The following HRAS variants were observed in gnomAD, a reference collection of about 807,000 sequenced individuals.
HRAS encodes GTPase HRas.
In HRAS, 11 loss-of-function variants were observed where a neutral mutation model predicts 19.8. That is an observed-to-expected ratio of 0.55 (90% CI 0.35 to 0.92). HRAS has a LOEUF of 0.92. Among genes scored for constraint, HRAS ranks in the 40% least tolerant of loss-of-function variants. The probability of loss-of-function intolerance (pLI) is 0.01; values close to 1 mark genes in which losing one functional copy is unlikely to be tolerated. For synonymous variants in HRAS, 149 were observed against 105.5 expected, an observed-to-expected ratio of 1.41 and a Z score of -2.52; for missense variants, 204 against 255.9, an observed-to-expected ratio of 0.80 and a Z score of 1.38.
chr11:534,141 G>T (rs1851307122), intron 2 of HRAS, 71 bp downstream of exon 2: 2 of 1,324,086 alleles, frequency 1.5e-6, no homozygotes, highest in Admixed American at 3.4e-5. Flanking sequence ...GCTGCAGCCA[G>T]CCCTATCCTG....
At chr11:533,366 A>C in intron 4 of HRAS, 87 bp downstream of exon 4, 1 of 1,607,466 alleles carries the variant, frequency 6.2e-7, no homozygotes, top group Non-Finnish European at 8.5e-7. Context: ...GCCCTGTGTC[A>C]AGGGAGAGGG....
chr11:533,144 C>G (rs997684842), intron 4 of HRAS: 1 of 824,664 alleles, frequency 1.2e-6, no homozygotes, highest in African/African-American at 1.7e-5. Flanking sequence ...GGTCACCGCT[C>G]CGGCCTGGCT....
At chr11:533,257 T>G in intron 4 of HRAS, 196 bp downstream of exon 4, 2 of 1,560,372 alleles carry the variant, frequency 1.3e-6, no homozygotes, top group South Asian at 1.1e-5. Context: ...CTCACTGCCC[T>G]GCCGTCCCGG....
At chr11:535,283 C>T (rs1424025275) in intron 1 of HRAS, 133 bp downstream of exon 1, 2 of 96,740 alleles carry the variant, frequency 2.1e-5, no homozygotes, top group African/African-American at 8.5e-5. Context: ...CGCCCGGCCC[C>T]ACCCACCCGC....
At position 533,933 on chromosome 11, in the gene HRAS, C is replaced by T. The variant is rs762706292; in HGVS notation, c.123G>A (p.Arg41=). 3.1e-6 allele frequency: 5 copies of T among 1,611,758 alleles called. No homozygotes were observed. The South Asian group carries it at 5.5e-5, about 18-fold the overall frequency. The change falls in exon 3 of 6, where the codon CGG becomes CGA. Residue 41 remains arginine, a synonymous_variant. Transcript: ENST00000311189. ...TCTCCCCATCAATGACCACCTGCTTCCGGTAGGAATCCTGCAGGAGGACAG... is the reference window on the plus strand; with the variant it reads ...TCTCCCCATCAATGACCACCTGCTTTCGGTAGGAATCCTGCAGGAGGACAG... The part of the protein sequence containing the change: ...EYDPTIEDSY[R]KQVVIDGETC...
chr11:533,709 GC>G (rs1851265241), intron 3 of HRAS, 56 bp downstream of exon 3: 2 of 1,610,318 alleles, frequency 1.2e-6, no homozygotes, highest in Admixed American at 3.3e-5. Flanking sequence ...CCTGGACGCA[GC>G]CGGCCTGGCC....
At chr11:533,280 G>A (rs1322826799) in intron 4 of HRAS, 173 bp downstream of exon 4, 11 of 1,588,804 alleles carry the variant, frequency 6.9e-6, no homozygotes, top group Admixed American at 3.5e-5. Context: ...GACTTACAGC[G>A]CGAGGGGCCG....
Position 532,492 on chromosome 11 carries a change from G to C in HRAS, c.*36C>G, listed in dbSNP as rs1365213269. On this transcript the variant is annotated 3_prime_UTR_variant, in exon 6 of 6. Coordinates refer to ENST00000311189, the MANE Select transcript of HRAS (RefSeq NM_005343.4). The stretch of plus-strand genomic sequence containing the variant: ...CTCCTTCCGTCTGCACCTCCTTCCT[G>C]CATCCGGCACCTCCATGTCCTGAGC... 3 of 1,124,428 alleles carry C rather than the reference G, an allele frequency of 2.7e-6. No homozygotes were observed. Among genetic ancestry groups the C allele is most frequent in the Non-Finnish European group, 3.8e-6 (3 of 789,300 alleles). 69.7% of individuals were successfully genotyped at this position (1,124,428 alleles called of 1,614,324 possible).
At chr11:533,326 C>A in intron 4 of HRAS, 127 bp downstream of exon 4, 1 of 1,604,132 alleles carries the variant, frequency 6.2e-7, no homozygotes. Context: ...CCCAGAGGGT[C>A]CCGGAGCTGG....
Position 533,492 on chromosome 11 carries a change from G to A in HRAS, c.411C>T (p.Tyr137=), listed in dbSNP as rs1471385417. The A allele has an allele frequency of 2.5e-6, 4 of 1,613,512 alleles. No individual in the cohort carries two copies. The highest frequency in any genetic ancestry group is 1.7e-5 in the Admixed American group (1 of 60,008). ...SRQAQDLARS[Y]GIPYIETSAK... ...CCGAGGTCTCGATGTAGGGGATGCCGTAGCTTCGGGCGAGGTCCTGAGCCT... is the reference window on the plus strand; with the variant it reads ...CCGAGGTCTCGATGTAGGGGATGCCATAGCTTCGGGCGAGGTCCTGAGCCT... The change falls in exon 4 of 6, where the codon TAC becomes TAT. Residue 137 remains tyrosine (Y), a synonymous_variant. Coordinates refer to ENST00000311189, the MANE Select transcript of HRAS (RefSeq NM_005343.4).
Position 534,339 on chromosome 11 carries a change from G to A in HRAS, c.-17C>T, listed in dbSNP as rs754890199. ...TTCCGTCATCGCTCCTCAGGGGCCTGCGGCCCGGGGTCCTCCTACAGGGTC... is the reference window on the plus strand; with the variant it reads ...TTCCGTCATCGCTCCTCAGGGGCCTACGGCCCGGGGTCCTCCTACAGGGTC... On this transcript the variant is annotated 5_prime_UTR_variant, in exon 2 of 6. Coordinates refer to ENST00000311189, the MANE Select transcript of HRAS (RefSeq NM_005343.4). 1.4e-5 allele frequency: 22 copies of A among 1,595,826 alleles called. No individual in the cohort carries two copies. The highest frequency in any genetic ancestry group is 1.7e-4 in the Middle Eastern group (1 of 6,026).
In HRAS at chr11:533,853, C is replaced by T. The variant is rs730880461; in HGVS notation, c.203G>A (p.Arg68Gln). 6.2e-7 allele frequency: 1 copy of T among 1,613,366 alleles called. No individual in the cohort carries two copies. The highest frequency in any genetic ancestry group is 8.5e-7 in the Non-Finnish European group (1 of 1,180,000). Residue 68 changes from arginine to glutamine, a missense_variant, in exon 3 of 6, where the codon CGG (arginine) becomes CAG (glutamine). Coordinates refer to ENST00000311189, the MANE Select transcript of HRAS (RefSeq NM_005343.4). ...TAGQEEYSAM[R>Q]DQYMRTGEGF... ...CTCCCCGGTGCGCATGTACTGGTCC[C>T]GCATGGCGCTGTACTCCTCCTGGCC...
Position 532,426 on chromosome 11 carries a change from G to T in HRAS, c.*102C>A. 1 of 699,990 alleles carries T rather than the reference G, an allele frequency of 1.4e-6. No individual in the cohort carries two copies. Among genetic ancestry groups the T allele is most frequent in the Non-Finnish European group, 2.4e-6 (1 of 419,950 alleles). The allele number at this position is 699,990 out of a possible 1,614,324, so 43.4% of individuals were successfully genotyped here. A position where few individuals can be genotyped will look rare whatever the true frequency, so the allele number is the denominator to read the frequency against. On this transcript the variant is annotated 3_prime_UTR_variant, in exon 6 of 6. Coordinates refer to ENST00000311189, the MANE Select transcript of HRAS (RefSeq NM_005343.4). ...ACGGTCCCGGGGTGACTGGGCTCCA[G>T]CAGCCCTTCCTTCCTTCCTTGCTTC...
intron 1 of HRAS, chr11:534,603 A>G (rs890500393): frequency 3.7e-6 from 2 of 546,614 alleles, no homozygotes; most frequent in Non-Finnish European, 6.6e-6. Flanking sequence ...AAAGGGACCC[A>G]GCCCTCAAAG....
At chr11:534,068 A>AGG (rs1851299601) in intron 2 of HRAS, 124 bp from the exon 3 acceptor site, 2 of 1,225,294 alleles carry the variant, frequency 1.6e-6, no homozygotes, top group Non-Finnish European at 2.4e-6. Context: ...TGCTGAGACG[A>AGG]GGGACTCCCC....
intron 4 of HRAS, 192 bp downstream of exon 4, chr11:533,261 G>C (rs771825644): frequency 1.3e-6 from 2 of 1,567,346 alleles, no homozygotes; most frequent in Non-Finnish European, 8.6e-7. Flanking sequence ...CTGCCCTGCC[G>C]TCCCGGGAGA....
intron 1 of HRAS, among the ~76,000 whole-genome samples, chr11:534,995 C>A (rs1311772045): frequency 6.6e-6 from 1 of 152,178 alleles, no homozygotes; most frequent in Non-Finnish European, 1.5e-5. Context: ...GCGCGGGAGA[C>A]CCGGAGAGGG....
chr11:534,754 C>A (rs1851351827), intron 1 of HRAS, among the ~76,000 whole-genome samples: 2 of 152,246 alleles, frequency 1.3e-5, no homozygotes, highest in African/African-American at 4.8e-5. Flanking sequence ...CGCGCCACGG[C>A]GTGCCCGGGC....
In HRAS at chr11:535,498, C is replaced by A. The variant is rs959436276; in HGVS notation, c.-136G>T. On this transcript the variant is annotated 5_prime_UTR_variant, in exon 1 of 6. Coordinates refer to ENST00000311189, the MANE Select transcript of HRAS (RefSeq NM_005343.4). Reference sequence around the variant, plus strand: ...GGGGGCGGGGGCGCGCGGTTCGCCCCGCGCATGGGCTCCGTCCGCGGCGGG... The same window carrying A: ...GGGGGCGGGGGCGCGCGGTTCGCCCAGCGCATGGGCTCCGTCCGCGGCGGG... 1.0e-4 allele frequency: 15 copies of A among 147,620 alleles called. No individual in the cohort carries two copies. The highest frequency in any genetic ancestry group is 1.5e-5 in the Non-Finnish European group (1 of 66,104). The allele number at this position is 147,620 out of a possible 1,614,324, so 9.1% of individuals were successfully genotyped here.
Sources: allele counts gnomAD v4.1 joint callset (sites outside exome capture counted in the v4.1 genomes callset), GRCh38; gene constraint gnomAD v4.1.1; transcripts MANE v1.5; gene names NCBI Gene and HGNC (gene_info 2026-07-23, HGNC 2026-07-21).